RABGEF1: variants seen among roughly 807,000 people sequenced by gnomAD.
RABGEF1 encodes the protein RAB guanine nucleotide exchange factor 1.
Under a neutral mutation model 57.3 loss-of-function variants are expected in RABGEF1, and 26 were observed. The observed-to-expected ratio is 0.45, with a 90% CI of 0.33 to 0.63. RABGEF1 has a LOEUF of 0.63. RABGEF1 is among the 20% of genes least tolerant of loss of function. The pLI is 0.02. For synonymous variants in RABGEF1, 185 were observed against 210.7 expected (o/e 0.88, Z 1.06); for missense variants, 464 against 607.6 (o/e 0.76, Z 2.48).
intron 1 of RABGEF1, among the ~76,000 whole-genome samples, chr7:66,752,689 C>A (rs1461429233): frequency 6.6e-6 from 1 of 152,180 alleles, no homozygotes; most frequent in Admixed American, 6.5e-5. Flanking sequence ...TTGTTAAATT[C>A]GAATTCTCAG....
At chr7:66,715,207 A>G (rs930197380) in intron 2 of RABGEF1, among the ~76,000 whole-genome samples, 1 of 152,022 alleles carries the variant, frequency 6.6e-6, no homozygotes, top group Non-Finnish European at 1.5e-5. Flanking sequence ...AGCTCACTGC[A>G]TCCTCAAACT....
In RABGEF1 at chr7:66,701,269, C is replaced by T. The variant is rs545788999; in HGVS notation, c.-872-10898C>T. ...ATCTCCACGCTTTCAGAGGCTGAGG[C>T]AAGAAGATGGCTTGAGCCCAGGCGC... On this transcript the variant is annotated intron_variant and NMD_transcript_variant, in intron 1 of 9. Transcript: ENST00000607882. Among the ~76,000 whole-genome samples the T allele has an allele frequency of 3.3e-5, 5 of 152,248 alleles. No individual in the cohort carries two copies. The East Asian group carries it at 9.6e-4, about 29-fold the overall frequency.
chr7:66,667,713 G>A, the RABGEF1 span: 1 of 152,272 alleles, frequency 6.6e-6, no homozygotes, highest in African/African-American at 2.4e-5. Flanking sequence ...GTCCAGCCCT[G>A]TGCAGGTCCC....
At chr7:66,740,233 A>G (rs3757420), upstream of RABGEF1, 6,027 of 152,820 alleles carry the variant, frequency 0.039, 166 homozygotes, top group East Asian at 0.086. Flanking sequence ...TGGGCCTCCT[A>G]AAGATTCAGC....
intron 1 of RABGEF1, among the ~76,000 whole-genome samples, chr7:66,764,615 GAGTT>G (rs1268627196): frequency 6.6e-6 from 1 of 152,136 alleles, no homozygotes; most frequent in Non-Finnish European, 1.5e-5. Flanking sequence ...GATTGATTCT[GAGTT>G]AGTTTTTGTA....
At chr7:66,702,347 T>TTGTGTGTG (rs58655312) in intron 1 of RABGEF1, among the ~76,000 whole-genome samples, 2,053 of 143,944 alleles carry the variant, frequency 0.014, 24 homozygotes, top group East Asian at 0.022. Context: ...ATTGTTTTGT[T>TTGTGTGTG]TGTGTGTGTG....
At chr7:66,766,808 T>A (rs547978778) in intron 1 of RABGEF1, among the ~76,000 whole-genome samples, 2 of 152,130 alleles carry the variant, frequency 1.3e-5, no homozygotes, top group African/African-American at 4.8e-5. Flanking sequence ...TACTGCAGCC[T>A]CTGCCTCCCA....
chr7:66,731,765 G>C (rs1797344768), intron 2 of RABGEF1, among the ~76,000 whole-genome samples: 1 of 152,136 alleles, frequency 6.6e-6, no homozygotes, highest in South Asian at 2.1e-4. Context: ...CCACCCTCCT[G>C]TGCCACAGTC....
the RABGEF1 span, among the ~76,000 whole-genome samples, chr7:66,670,637 G>A: frequency 6.6e-6 from 1 of 151,748 alleles, no homozygotes; most frequent in African/African-American, 2.4e-5. Context: ...TTGAGGCCAG[G>A]GGTTCAAGAC....
intron 1 of RABGEF1, among the ~76,000 whole-genome samples, chr7:66,755,365 C>T (rs1012092038): frequency 1.3e-5 from 2 of 152,080 alleles, no homozygotes; most frequent in Non-Finnish European, 2.9e-5. Flanking sequence ...GTCCCAGCTA[C>T]TTGGGAAGCT....
At chr7:66,769,395 C>T (rs1249436454) in intron 1 of RABGEF1, among the ~76,000 whole-genome samples, 1 of 152,200 alleles carries the variant, frequency 6.6e-6, no homozygotes, top group Admixed American at 6.5e-5. Flanking sequence ...TGTCTGCACA[C>T]CTTAATGTTC....
intron 1 of RABGEF1, among the ~76,000 whole-genome samples, chr7:66,691,824 C>T (rs1204242960): frequency 6.6e-6 from 1 of 151,878 alleles, no homozygotes. Flanking sequence ...GAGACTGAGG[C>T]GGGAGGATCA....
At chr7:66,676,287 A>AT in the RABGEF1 span, among the ~76,000 whole-genome samples, 3 of 150,836 alleles carry the variant, frequency 2.0e-5, no homozygotes, top group Non-Finnish European at 3.0e-5. Flanking sequence ...CGTTTCAAAA[A>AT]ATATATATAT....
At chr7:66,737,079 A>AGAGAGAGAGAGAGT (rs1323583283), upstream of RABGEF1, among the ~76,000 whole-genome samples, 26 of 130,460 alleles carry the variant, frequency 2.0e-4, no homozygotes, top group African/African-American at 6.3e-4. Context: ...AGAGTGAGAG[A>AGAGAGAGAGAGAGT]GAGAGAGCGA....
intron 1 of RABGEF1, among the ~76,000 whole-genome samples, chr7:66,745,198 A>C (rs1762646952): frequency 6.6e-6 from 1 of 152,110 alleles, no homozygotes; most frequent in Non-Finnish European, 1.5e-5. Flanking sequence ...TCTCAAAAAA[A>C]AAAAAAATGA....
intron 2 of RABGEF1, among the ~76,000 whole-genome samples, chr7:66,728,621 C>T (rs1378358844): frequency 6.6e-6 from 1 of 152,076 alleles, no homozygotes; most frequent in Non-Finnish European, 1.5e-5. Flanking sequence ...TTCATTTTCA[C>T]CTCCATCCTC....
chr7:66,790,998 C>T (rs1584158065), intron 4 of RABGEF1, among the ~76,000 whole-genome samples: 1 of 152,210 alleles, frequency 6.6e-6, no homozygotes, highest in Non-Finnish European at 1.5e-5. Context: ...TCTTGTGCAA[C>T]TTGTAACATG....
intron 2 of RABGEF1, among the ~76,000 whole-genome samples, chr7:66,724,832 G>C (rs946535539): frequency 3.3e-5 from 5 of 152,154 alleles, no homozygotes; most frequent in African/African-American, 7.2e-5. Context: ...CCAAGGCTCT[G>C]TTAAAATTTT....
intron 1 of RABGEF1, among the ~76,000 whole-genome samples, chr7:66,748,091 C>T (rs773489658): frequency 4.6e-5 from 7 of 152,268 alleles, no homozygotes; most frequent in Non-Finnish European, 8.8e-5. Context: ...AGTGACCATA[C>T]GACAAAAGAG....
Sources: allele counts gnomAD v4.1 joint callset (sites outside exome capture counted in the v4.1 genomes callset), GRCh38; gene constraint gnomAD v4.1.1; transcripts MANE v1.5; gene names NCBI Gene and HGNC (gene_info 2026-07-23, HGNC 2026-07-21).